Variants in LRPPRC observed in about 807,000 individuals in gnomAD.
LRPPRC encodes leucine-rich PPR motif-containing protein, mitochondrial.
A neutral mutation model predicts 180.3 loss-of-function variants in LRPPRC; 120 were observed. The ratio of observed to expected loss-of-function variants is 0.67; its 90% CI spans 0.57 to 0.77. The LOEUF (loss-of-function observed/expected upper bound fraction) is 0.77, where lower values mean the gene tolerates loss of function less well. LRPPRC is among the 30% of genes least tolerant of loss of function. The probability of loss-of-function intolerance (pLI) is 0.00; values close to 1 mark genes in which losing one functional copy is unlikely to be tolerated. For missense variants in LRPPRC, 2,012 were observed against 1,657.2 expected (o/e 1.21, Z -3.72); for synonymous variants, 723 against 600.0 (o/e 1.21, Z -3.00).
chr2:43,921,933 G>C (rs1228651733), intron 27 of LRPPRC, among the ~76,000 whole-genome samples: 1 of 152,164 alleles, frequency 6.6e-6, no homozygotes, highest in African/African-American at 2.4e-5. Flanking sequence ...AAGGCAGTTT[G>C]ACTCTTGGAT....
intron 1 of LRPPRC, among the ~76,000 whole-genome samples, chr2:43,993,734 T>C (rs1470388515): frequency 1.1e-5 from 1 of 91,390 alleles, no homozygotes; most frequent in African/African-American, 4.2e-5. Flanking sequence ...TACCTTCTAC[T>C]AAAGAAAAAA....
intron 29 of LRPPRC, among the ~76,000 whole-genome samples, chr2:43,917,767 C>A (rs1378666465): frequency 6.6e-6 from 1 of 151,810 alleles, no homozygotes; most frequent in Non-Finnish European, 1.5e-5. Context: ...CCAGCCTGGG[C>A]GACAGAGTGA....
chr2:43,948,401 C>T lies in LRPPRC; in HGVS notation c.1842+11G>A, dbSNP rs188452757. 8 of 1,579,198 alleles carry T rather than the reference C, an allele frequency of 5.1e-6. No individual in the cohort carries two copies. In the African/African-American group the frequency reaches 5.4e-5, roughly 11 times the overall value. Reference sequence around the variant, plus strand: ...AGGACAGGCATTATATAGCAAAAAACGAAATGGTACCATCTTCTCCAGCTG... The same window carrying T: ...AGGACAGGCATTATATAGCAAAAAATGAAATGGTACCATCTTCTCCAGCTG... On this transcript the variant is annotated intron_variant, in intron 17 of 37. Coordinates refer to ENST00000260665, the MANE Select transcript of LRPPRC (RefSeq NM_133259.4).
At chr2:43,894,317 C>CT (rs1558892733) in intron 36 of LRPPRC, among the ~76,000 whole-genome samples, 1 of 152,132 alleles carries the variant, frequency 6.6e-6, no homozygotes, top group Non-Finnish European at 1.5e-5. Flanking sequence ...TTCAGTGATA[C>CT]TTTTTAATGT....
intron 27 of LRPPRC, among the ~76,000 whole-genome samples, chr2:43,919,360 T>C (rs950470162): frequency 3.9e-5 from 6 of 152,212 alleles, no homozygotes; most frequent in African/African-American, 7.2e-5. Context: ...ACTAAAATGA[T>C]TGCAAGTGTG....
At chr2:43,915,053 CAAAAAAAAAAAAAA>C (rs71393213) in intron 29 of LRPPRC, among the ~76,000 whole-genome samples, 2 of 96,892 alleles carry the variant, frequency 2.1e-5, no homozygotes, top group African/African-American at 3.6e-5. Context: ...ACTAAAAATA[CAAAAAAAAAAAAAA>C]AAAAAAAAAA....
At chr2:43,895,605 G>A (rs1268684694) in intron 35 of LRPPRC, among the ~76,000 whole-genome samples, 1 of 152,164 alleles carries the variant, frequency 6.6e-6, no homozygotes, top group Non-Finnish European at 1.5e-5. Flanking sequence ...TTTTCTAAAA[G>A]TTGTTGGTAG....
chr2:43,949,763 T>A, intron 15 of LRPPRC, 104 bp from the exon 16 acceptor site: 1 of 783,060 alleles, frequency 1.3e-6, no homozygotes, highest in Non-Finnish European at 2.2e-6. Flanking sequence ...CCCAGTAAGG[T>A]ACTATTCTAT....
chr2:43,946,046 G>C, intron 21 of LRPPRC, 67 bp downstream of exon 21: 1 of 1,484,468 alleles, frequency 6.7e-7, no homozygotes. Context: ...ATTCCATCTA[G>C]ATAATCTATC....
At chr2:43,976,516 T>C (rs1441337801) in intron 5 of LRPPRC, among the ~76,000 whole-genome samples, 1 of 152,066 alleles carries the variant, frequency 6.6e-6, no homozygotes, top group East Asian at 1.9e-4. Flanking sequence ...AAAAGCATAG[T>C]TTCATAAGAT....
At chr2:43,889,151 C>A (rs1332044212) in intron 37 of LRPPRC, among the ~76,000 whole-genome samples, 1 of 151,788 alleles carries the variant, frequency 6.6e-6, no homozygotes, top group East Asian at 1.9e-4. Flanking sequence ...CCCATCTGTA[C>A]TAAAAATACG....
chr2:43,934,804 T>C lies in LRPPRC; in HGVS notation c.2579A>G (p.Asp860Gly). Reference protein sequence around the residue: ...EKYKVLPRIHDVLCKLVEKGE... With the variant: ...EKYKVLPRIHGVLCKLVEKGE... The stretch of plus-strand genomic sequence containing the variant: ...TTTCTCTACCAGTTTACACAAGACA[T>C]CATGAATCCTTGGTAATACTTTATA... The change falls in exon 24 of 38, where the codon GAT (aspartate) becomes GGT (glycine). Residue 860 changes from aspartate (D) to glycine (G), a missense_variant. By Grantham distance (94) the Asp-to-Gly change is moderately conservative. Transcript: ENST00000260665. 1.2e-6 allele frequency: 2 copies of C among 1,610,768 alleles called. No individual in the cohort carries two copies. The highest frequency in any genetic ancestry group is 1.7e-6 in the Non-Finnish European group (2 of 1,177,016).
At chr2:43,914,586 G>C (rs1039265812) in intron 29 of LRPPRC, among the ~76,000 whole-genome samples, 1 of 152,040 alleles carries the variant, frequency 6.6e-6, no homozygotes, top group African/African-American at 2.4e-5. Context: ...AAATTAGCTA[G>C]GGGTGGTGGG....
At position 43,995,790 on chromosome 2, in the gene LRPPRC, G is replaced by C. The variant is rs1056497742; in HGVS notation, c.149+9C>G. On this transcript the variant is annotated intron_variant, in intron 1 of 37. Coordinates refer to ENST00000260665, the MANE Select transcript of LRPPRC (RefSeq NM_133259.4). ...GCAGCTTGCCTGGAGAAAGGGCCTGGGCACTCACCCGGCCACGGGCCCGGC... is the reference window on the plus strand; with the variant it reads ...GCAGCTTGCCTGGAGAAAGGGCCTGCGCACTCACCCGGCCACGGGCCCGGC... 1 of 1,379,022 alleles carries C rather than the reference G, an allele frequency of 7.3e-7. No homozygotes were observed. The highest frequency in any genetic ancestry group is 9.3e-7 in the Non-Finnish European group (1 of 1,077,808). 85.4% of individuals were successfully genotyped at this position (1,379,022 alleles called of 1,614,324 possible).
intron 30 of LRPPRC, among the ~76,000 whole-genome samples, 179 bp from the exon 31 acceptor site, chr2:43,905,959 T>A (rs568609997): frequency 6.6e-6 from 1 of 152,338 alleles, no homozygotes; most frequent in South Asian, 2.1e-4. Context: ...AAGGATAATT[T>A]TTTTTTGCAT....
At chr2:43,896,732 T>G (rs1315259371) in intron 34 of LRPPRC, 24 bp from the exon 35 acceptor site, 1 of 1,380,498 alleles carries the variant, frequency 7.2e-7, no homozygotes, top group Non-Finnish European at 1.0e-6. Context: ...CATTATTCAG[T>G]AAGTGAAGGT....
chr2:43,901,120 T>C (rs1347918998), intron 32 of LRPPRC, among the ~76,000 whole-genome samples, 200 bp downstream of exon 32: 1 of 152,222 alleles, frequency 6.6e-6, no homozygotes, highest in Non-Finnish European at 1.5e-5. Context: ...ATTTGGTAAA[T>C]GCTGTTTATT....
intron 23 of LRPPRC, among the ~76,000 whole-genome samples, chr2:43,935,621 C>G (rs767685359): frequency 1.3e-4 from 20 of 152,052 alleles, no homozygotes; most frequent in Non-Finnish European, 2.9e-4. Context: ...GTTTCTTAAA[C>G]AACAGTGTGG....
In LRPPRC at chr2:43,943,620, A is replaced by T. The variant is rs967414738; in HGVS notation, c.2504+67T>A. 4 of 1,314,408 alleles carry T rather than the reference A, an allele frequency of 3.0e-6. No homozygotes were observed. In the African/African-American group the frequency reaches 5.8e-5, roughly 19 times the overall value. The allele number at this position is 1,314,408 out of a possible 1,614,324, so 81.4% of individuals were successfully genotyped here. A position where few individuals can be genotyped will look rare whatever the true frequency, so the allele number is the denominator to read the frequency against. ...CATCATGAGGGTATTTATAAAGTAT[A>T]ATCCGAAAATTATTAGACTCATTCT... On this transcript the variant is annotated intron_variant, in intron 23 of 37. Transcript: ENST00000260665.
Sources: gnomAD v4.1 joint callset for allele counts (sites outside exome capture counted in the v4.1 genomes callset) on GRCh38, gnomAD v4.1.1 for gene constraint, MANE v1.5 for transcripts, NCBI Gene and HGNC (gene_info 2026-07-23, HGNC 2026-07-21) for gene names.